Variants in MAP2 observed in about 807,000 individuals in gnomAD.
The protein encoded by MAP2 is microtubule associated protein 2, also known as microtubule-associated protein 2.
In MAP2, 14 loss-of-function variants were observed where a neutral mutation model predicts 137.6. The observed-to-expected ratio is 0.10, with a 90% CI of 0.07 to 0.16. The LOEUF (loss-of-function observed/expected upper bound fraction) is 0.16. MAP2 is among the 10% of genes least tolerant of loss of function. The pLI is 1.00. For missense variants in MAP2, 2,088 were observed against 2,191.5 expected, an observed-to-expected ratio of 0.95 and a Z score of 0.94; for synonymous variants, 786 against 782.3, an observed-to-expected ratio of 1.00 and a Z score of -0.08.
chr2:209,720,739 TATC>T (rs71993576), intron 13 of MAP2, among the ~76,000 whole-genome samples: 11,004 of 151,878 alleles, frequency 0.072, 753 homozygotes, highest in African/African-American at 0.18. Flanking sequence ...TTTTCCTTCA[TATC>T]ATGAGCACGG....
intron 3 of MAP2, among the ~76,000 whole-genome samples, chr2:209,605,326 ATTG>A (rs2084323720): frequency 6.6e-6 from 1 of 152,184 alleles, no homozygotes; most frequent in South Asian, 2.1e-4. Flanking sequence ...TCTACTAATA[ATTG>A]TTGTCACAGA....
chr2:209,696,870 G>A, intron 9 of MAP2, 47 bp from the exon 10 acceptor site: 1 of 1,574,288 alleles, frequency 6.4e-7, no homozygotes. Flanking sequence ...TGCTCCACGT[G>A]TTTATTTTTT....
chr2:209,574,947 A>G (rs918982885), intron 2 of MAP2, among the ~76,000 whole-genome samples: 1 of 152,244 alleles, frequency 6.6e-6, no homozygotes, highest in Non-Finnish European at 1.5e-5. Flanking sequence ...AAATTTTAGT[A>G]AGTGTAGTCA....
At position 209,709,934 on chromosome 2, in the gene MAP2, G is replaced by C. The variant is rs763924677; in HGVS notation, c.4753G>C (p.Ala1585Pro). ...RTTRSEPIRR[A>P]GKSGTSTPTT... is the part of the protein sequence containing the mutation. ...TACAGGGTCAGAGCCAATTCGCAGA[G>C]CAGGGAAGAGTGGTACCTCAACACC... The change falls in exon 13 of 16, where the codon GCA (alanine) becomes CCA (proline). Residue 1585 changes from alanine (A) to proline (P), a missense_variant. Ala to Pro is a conservative substitution (Grantham distance 27). This residue lies in a region of MAP2 where 591 missense variants were observed against 642.6 expected (regional missense o/e 0.92). Transcript: ENST00000682079. 1 of 1,613,532 alleles carries C rather than the reference G, an allele frequency of 6.2e-7. No individual in the cohort carries two copies. The highest frequency in any genetic ancestry group is 8.5e-7 in the Non-Finnish European group (1 of 1,179,736).
chr2:209,616,936 CG>C (rs1559417261), intron 3 of MAP2, among the ~76,000 whole-genome samples: 2 of 152,170 alleles, frequency 1.3e-5, no homozygotes, highest in Admixed American at 6.5e-5. Context: ...ATAGACTAGG[CG>C]GGGGGACCCA....
chr2:209,434,758 G>A (rs1191507860), intron 1 of MAP2, among the ~76,000 whole-genome samples: 1 of 149,096 alleles, frequency 6.7e-6, no homozygotes, highest in Non-Finnish European at 1.5e-5. Flanking sequence ...AGAGTTTAAG[G>A]CTACAGTGAG....
At chr2:209,729,635 A>G (rs1401249515) in intron 14 of MAP2, among the ~76,000 whole-genome samples, 4 of 152,246 alleles carry the variant, frequency 2.6e-5, no homozygotes, top group African/African-American at 7.2e-5. Flanking sequence ...GAAGCAATCC[A>G]TATAATAGTA....
chr2:209,480,638 C>T (rs1309033710), intron 1 of MAP2, among the ~76,000 whole-genome samples: 1 of 152,020 alleles, frequency 6.6e-6, no homozygotes, highest in African/African-American at 2.4e-5. Flanking sequence ...ATGTATCAGT[C>T]ATTTTGTGTT....
At chr2:209,481,707 G>A (rs1356431544) in intron 1 of MAP2, among the ~76,000 whole-genome samples, 1 of 152,178 alleles carries the variant, frequency 6.6e-6, no homozygotes, top group Non-Finnish European at 1.5e-5. Context: ...TCTGCCTTAG[G>A]TCACTTAACT....
intron 10 of MAP2, among the ~76,000 whole-genome samples, chr2:209,698,455 A>G (rs1170062360): frequency 2.6e-5 from 4 of 152,220 alleles, no homozygotes; most frequent in South Asian, 2.1e-4. Context: ...CAATGCCTCT[A>G]TATAAATCTT....
intron 13 of MAP2, among the ~76,000 whole-genome samples, chr2:209,711,711 CTTTATA>C (rs1352015205): frequency 6.6e-6 from 1 of 152,092 alleles, no homozygotes; most frequent in African/African-American, 2.4e-5. Flanking sequence ...GTTGCATCAT[CTTTATA>C]TTTATACATA....
chr2:209,719,010 A>T lies in MAP2; in HGVS notation c.5074-6699A>T, dbSNP rs749827929. Among the ~76,000 whole-genome samples the T allele has an allele frequency of 3.3e-5, 5 of 152,212 alleles. No homozygotes were observed. The East Asian group carries it at 7.7e-4, about 23-fold the overall frequency. Reference sequence around the variant, plus strand: ...GGCGAAATAGTTTTCCTTAAAATGAATATTATGAAATAAAAAATACTTTCG... The same window carrying T: ...GGCGAAATAGTTTTCCTTAAAATGATTATTATGAAATAAAAAATACTTTCG... On this transcript the variant is annotated intron_variant, in intron 13 of 15. Coordinates refer to ENST00000682079, the MANE Select transcript of MAP2 (RefSeq NM_001375505.1).
intron 2 of MAP2, among the ~76,000 whole-genome samples, chr2:209,549,029 C>T (rs2153276708): frequency 6.6e-6 from 1 of 152,216 alleles, no homozygotes; most frequent in South Asian, 2.1e-4. Flanking sequence ...AGAATGTTGA[C>T]TTTTTTCAAT....
intron 3 of MAP2, among the ~76,000 whole-genome samples, chr2:209,617,904 A>G (rs983922500): frequency 6.6e-6 from 1 of 152,136 alleles, no homozygotes; most frequent in Non-Finnish European, 1.5e-5. Context: ...TATCCTGCAT[A>G]TGTTTTTATT....
intron 1 of MAP2, among the ~76,000 whole-genome samples, chr2:209,501,437 A>G (rs2060368179): frequency 2.0e-5 from 3 of 152,160 alleles, no homozygotes. Flanking sequence ...GCATGAAGTC[A>G]TTTCTCATTG....
At chr2:209,435,990 T>TA (rs1559159420) in intron 1 of MAP2, among the ~76,000 whole-genome samples, 2 of 87,980 alleles carry the variant, frequency 2.3e-5, no homozygotes, top group Non-Finnish European at 4.0e-5. Flanking sequence ...ACAGTATATA[T>TA]TATATACTAT....
intron 12 of MAP2, 58 bp downstream of exon 12, chr2:209,705,785 A>G: frequency 7.7e-7 from 1 of 1,305,320 alleles, no homozygotes; most frequent in Non-Finnish European, 1.1e-6. Flanking sequence ...TTTAAGTGGA[A>G]TAGCACTTAT....
chr2:209,563,165 G>T (rs1453920959), intron 2 of MAP2, among the ~76,000 whole-genome samples: 1 of 152,118 alleles, frequency 6.6e-6, no homozygotes, highest in Non-Finnish European at 1.5e-5. Context: ...TAGTAGAATG[G>T]AGTTTTAAAA....
intron 1 of MAP2, among the ~76,000 whole-genome samples, chr2:209,450,104 G>A (rs1201890123): frequency 6.6e-6 from 1 of 152,076 alleles, no homozygotes; most frequent in Non-Finnish European, 1.5e-5. Flanking sequence ...ACCACGGCCA[G>A]CAAATTTTTG....
Sources: allele counts gnomAD v4.1 joint callset (sites outside exome capture counted in the v4.1 genomes callset), GRCh38; gene constraint gnomAD v4.1.1; regional missense constraint gnomAD v4.1.1; transcripts MANE v1.5; gene names NCBI Gene and HGNC (gene_info 2026-07-23, HGNC 2026-07-21).